The following PLGRKT variants were observed in gnomAD, a reference collection of about 807,000 sequenced individuals.
The protein encoded by PLGRKT is plasminogen receptor with a C-terminal lysine, also known as plasminogen receptor (KT).
In PLGRKT, 22 loss-of-function variants were observed where a neutral mutation model predicts 18.5. The observed-to-expected ratio is 1.19, with a 90% CI of 0.85 to 1.70. The LOEUF (loss-of-function observed/expected upper bound fraction) is 1.70, where lower values mean the gene tolerates loss of function less well. Ranked by LOEUF, PLGRKT falls within the 40% of genes most tolerant of loss-of-function variation. The probability of loss-of-function intolerance (pLI) is 0.00; values close to 1 mark genes in which losing one functional copy is unlikely to be tolerated. For synonymous variants in PLGRKT, 72 were observed against 52.8 expected, an observed-to-expected ratio of 1.36 and a Z score of -1.58; for missense variants, 235 against 174.4, an observed-to-expected ratio of 1.35 and a Z score of -1.96.
chr9:5,387,857 C>G (rs1020441260), intron 3 of PLGRKT, among the ~76,000 whole-genome samples: 3 of 151,752 alleles, frequency 2.0e-5, no homozygotes, highest in African/African-American at 7.3e-5. Flanking sequence ...AGTTAGGAGG[C>G]TATAGCACTA....
chr9:5,418,469 T>A lies in PLGRKT; in HGVS notation c.81+13428A>T, dbSNP rs143186842. Reference sequence around the variant, plus strand: ...AAGACGCAAGCCACCAAGATGACAGTGCACACCCTCAACCACATGGAGCTT... The same window carrying A: ...AAGACGCAAGCCACCAAGATGACAGAGCACACCCTCAACCACATGGAGCTT... On this transcript the variant is annotated intron_variant, in intron 3 of 5. Coordinates refer to ENST00000223864, the MANE Select transcript of PLGRKT (RefSeq NM_018465.4). The surrounding 1 kb of genome is among the most constrained non-coding windows in gnomAD (Gnocchi z 4.2). 219 of 1,070,896 alleles carry A rather than the reference T, an allele frequency of 2.0e-4. 2 individuals are homozygous for A. The East Asian group carries it at 5.5e-3, about 27-fold the overall frequency. The allele number at this position is 1,070,896 out of a possible 1,614,324, so 66.3% of individuals were successfully genotyped here.
intron 3 of PLGRKT, among the ~76,000 whole-genome samples, chr9:5,413,893 G>A (rs914087124): frequency 1.3e-5 from 2 of 152,064 alleles, no homozygotes; most frequent in Non-Finnish European, 2.9e-5. Flanking sequence ...GAATTGATTT[G>A]GAGTGGTTTC....
At chr9:5,374,817 A>C (rs1316436663) in intron 3 of PLGRKT, among the ~76,000 whole-genome samples, 1 of 152,220 alleles carries the variant, frequency 6.6e-6, no homozygotes, top group Non-Finnish European at 1.5e-5. Flanking sequence ...TCATATTCCT[A>C]TATGATCACA....
intron 3 of PLGRKT, among the ~76,000 whole-genome samples, chr9:5,367,299 C>G (rs1408504889): frequency 1.3e-5 from 2 of 151,964 alleles, no homozygotes; most frequent in African/African-American, 4.8e-5. Context: ...CAATCCTAAG[C>G]AAAAAGAACA....
intron 3 of PLGRKT, among the ~76,000 whole-genome samples, chr9:5,363,375 G>A (rs1266750708): frequency 1.3e-5 from 2 of 151,692 alleles, no homozygotes. Flanking sequence ...TCAGCCACTG[G>A]CTTATATTCA....
At chr9:5,388,515 AAAT>A (rs1817887569) in intron 3 of PLGRKT, among the ~76,000 whole-genome samples, 3 of 152,164 alleles carry the variant, frequency 2.0e-5, no homozygotes, top group South Asian at 2.1e-4. Context: ...GCATTGAAGA[AAAT>A]AATAAGTCTT....
chr9:5,396,786 A>C (rs1337163662), intron 3 of PLGRKT, among the ~76,000 whole-genome samples: 1 of 151,936 alleles, frequency 6.6e-6, no homozygotes, highest in Non-Finnish European at 1.5e-5. Flanking sequence ...GAAATGATGC[A>C]TTTTATCATT....
chr9:5,365,747 A>C (rs1817371661), intron 3 of PLGRKT, among the ~76,000 whole-genome samples: 1 of 152,190 alleles, frequency 6.6e-6, no homozygotes. Flanking sequence ...TAAGATGTTA[A>C]CAGCAGGGCA....
chr9:5,385,634 G>C (rs1320502715), intron 3 of PLGRKT, among the ~76,000 whole-genome samples: 1 of 151,726 alleles, frequency 6.6e-6, no homozygotes, highest in Non-Finnish European at 1.5e-5. Context: ...AGAAAGTAAG[G>C]AAGAACAGGG....
intron 3 of PLGRKT, among the ~76,000 whole-genome samples, chr9:5,393,212 C>T (rs1817982574): frequency 6.6e-6 from 1 of 151,890 alleles, no homozygotes; most frequent in Non-Finnish European, 1.5e-5. Context: ...TTTTTATTTT[C>T]TCCCTCAGTG....
intron 3 of PLGRKT, among the ~76,000 whole-genome samples, chr9:5,376,940 G>C (rs1255511866): frequency 6.6e-6 from 1 of 152,042 alleles, no homozygotes; most frequent in Non-Finnish European, 1.5e-5. Flanking sequence ...TGTTCTTTTA[G>C]AATTTTGATT....
intron 3 of PLGRKT, among the ~76,000 whole-genome samples, chr9:5,403,897 G>C (rs1424333609): frequency 1.3e-5 from 2 of 152,126 alleles, no homozygotes; most frequent in African/African-American, 4.8e-5. Flanking sequence ...CTAATAAAGA[G>C]AAAAAGCAGA....
chr9:5,435,997 G>A (rs1333978020), intron 2 of PLGRKT, among the ~76,000 whole-genome samples: 3 of 152,190 alleles, frequency 2.0e-5, no homozygotes, highest in Non-Finnish European at 2.9e-5. Flanking sequence ...GCTGAGCACA[G>A]GATACCAAAC....
chr9:5,389,037 G>A (rs191507582), intron 3 of PLGRKT, among the ~76,000 whole-genome samples: 2 of 152,054 alleles, frequency 1.3e-5, no homozygotes, highest in East Asian at 3.9e-4. Context: ...GGGAACTGTG[G>A]GGTGTCTCAG....
At chr9:5,392,935 A>G (rs1028973545) in intron 3 of PLGRKT, among the ~76,000 whole-genome samples, 10 of 151,588 alleles carry the variant, frequency 6.6e-5, no homozygotes, top group Non-Finnish European at 1.0e-4. Context: ...TCCACCTCCC[A>G]GGTTCAAGTG....
chr9:5,382,501 TGA>T (rs1261819241), intron 3 of PLGRKT, among the ~76,000 whole-genome samples: 4 of 152,066 alleles, frequency 2.6e-5, no homozygotes, highest in Non-Finnish European at 5.9e-5. Context: ...GAAAGAAGAA[TGA>T]GCATGGTGAA....
rs554645522 is a variant in PLGRKT, at chr9:5,419,460, G to C, written c.81+12437C>G. On this transcript the variant is annotated intron_variant, in intron 3 of 5. Transcript: ENST00000223864. ...GGCTACAGAGGCCACGGACGCTACA[G>C]CTTCGCGGGGTGGTCCTGGGTGCCT... Among the ~76,000 whole-genome samples, 12 of 152,344 alleles carry C rather than the reference G, an allele frequency of 7.9e-5. No homozygotes were observed. In the East Asian group the frequency reaches 2.3e-3, roughly 29 times the overall value.
chr9:5,359,443 T>C (rs10975071), intron 5 of PLGRKT, among the ~76,000 whole-genome samples: 22,511 of 152,100 alleles, frequency 0.15, 1,934 homozygotes, highest in East Asian at 0.3. Flanking sequence ...GCAAATGTCT[T>C]ATTTTTTTTA....
chr9:5,401,861 T>C (rs560073209), intron 3 of PLGRKT, among the ~76,000 whole-genome samples: 6 of 152,110 alleles, frequency 3.9e-5, no homozygotes, highest in East Asian at 1.9e-4. Flanking sequence ...ATCAATTCTA[T>C]TGTGGAAGCA....
Sources: gnomAD v4.1 joint callset for allele counts (sites outside exome capture counted in the v4.1 genomes callset) on GRCh38, gnomAD v4.1.1 for gene constraint, Gnocchi (gnomAD v3.1) non-coding constraint, MANE v1.5 for transcripts, NCBI Gene and HGNC (gene_info 2026-07-23, HGNC 2026-07-21) for gene names.